ALK: variants seen among roughly 807,000 people sequenced by gnomAD.
The protein encoded by ALK is ALK tyrosine kinase receptor.
Under a neutral mutation model 163.1 loss-of-function variants are expected in ALK, and 74 were observed. The observed-to-expected ratio is 0.45, with a 90% CI of 0.38 to 0.55. The LOEUF (loss-of-function observed/expected upper bound fraction) is 0.55. ALK is among the 20% of genes least tolerant of loss of function. The pLI, the probability that ALK is intolerant of heterozygous loss-of-function variation, is 0.00. For synonymous variants in ALK, 960 were observed against 843.2 expected, an observed-to-expected ratio of 1.14 and a Z score of -2.40; for missense variants, 2,063 against 2,105.3, an observed-to-expected ratio of 0.98 and a Z score of 0.39.
At chr2:29,807,130 G>C (rs550184244) in intron 1 of ALK, among the ~76,000 whole-genome samples, 1 of 152,186 alleles carries the variant, frequency 6.6e-6, no homozygotes, top group Non-Finnish European at 1.5e-5. Context: ...ATAGTGCCTT[G>C]AGTCTTTATG....
chr2:29,256,963 G>A (rs943084008), intron 11 of ALK, among the ~76,000 whole-genome samples: 1 of 152,206 alleles, frequency 6.6e-6, no homozygotes, highest in African/African-American at 2.4e-5. Flanking sequence ...GAGAGACTGT[G>A]TCATAAGCAA....
chr2:29,241,479 G>T (rs1385157675), intron 12 of ALK, among the ~76,000 whole-genome samples: 1 of 152,068 alleles, frequency 6.6e-6, no homozygotes, highest in Non-Finnish European at 1.5e-5. Flanking sequence ...CTTAGGGCCA[G>T]GAGGGAGATG....
intron 11 of ALK, among the ~76,000 whole-genome samples, chr2:29,272,185 G>GGAGGGAGAGAGAGAGAGAGAGAGAGAGA (rs1553402255): frequency 2.8e-5 from 4 of 145,152 alleles, no homozygotes; most frequent in Non-Finnish European, 4.6e-5. Flanking sequence ...GTCGGGTGAG[G>GGAGGGAGAGAGAGAGAGAGAGAGAGAGA]GAGAGAGAGA....
rs190303260 is a variant in ALK, at chr2:29,292,091, C to G, written c.1817+4797G>C. ...TTAGGACAAAGGATTGCAAAGGGAACAGGAAATCTAAATATCTCCAGAAGG... is the reference window on the plus strand; with the variant it reads ...TTAGGACAAAGGATTGCAAAGGGAAGAGGAAATCTAAATATCTCCAGAAGG... On this transcript the variant is annotated intron_variant, in intron 9 of 28. Coordinates refer to ENST00000389048, the MANE Select transcript of ALK (RefSeq NM_004304.5). Among the ~76,000 whole-genome samples the G allele has an allele frequency of 1.2e-4, 19 of 152,286 alleles. No individual in the cohort carries two copies. In the East Asian group the frequency reaches 2.5e-3, roughly 20 times the overall value.
At chr2:29,828,386 C>T (rs547695022) in intron 1 of ALK, among the ~76,000 whole-genome samples, 24 of 152,326 alleles carry the variant, frequency 1.6e-4, no homozygotes, top group African/African-American at 5.5e-4. Flanking sequence ...AGGCAACCTA[C>T]AGAATGGGAG....
rs181612729 is a variant in ALK, at chr2:29,554,396, G to A, written c.953-22280C>T. On this transcript the variant is annotated intron_variant, in intron 3 of 28. Transcript: ENST00000389048. ...CAAAACAATAGCAAGGCTGGGAGAA[G>A]AAGATTTAGAAAAGAGCTTGCAAAT... 1.6e-3 allele frequency among the ~76,000 whole-genome samples: 247 copies of A among 152,286 alleles called. 1 individual carries two copies. The highest frequency in any genetic ancestry group is 2.7e-3 in the Non-Finnish European group (187 of 68,010).
At position 29,574,569 on chromosome 2, in the gene ALK, C is replaced by G. The variant is rs115826921; in HGVS notation, c.953-42453G>C. 3.4e-3 allele frequency among the ~76,000 whole-genome samples: 513 copies of G among 152,368 alleles called. 4 individuals are homozygous for G. The highest frequency in any genetic ancestry group is 0.012 in the African/African-American group (492 of 41,592). Reference sequence around the variant, plus strand: ...ATATTTCAGCTTCCAAACAGCATCTCTCTGACTGCTTCTGGTATGAAGCGC... The same window carrying G: ...ATATTTCAGCTTCCAAACAGCATCTGTCTGACTGCTTCTGGTATGAAGCGC... On this transcript the variant is annotated intron_variant, in intron 3 of 28. Transcript: ENST00000389048.
intron 4 of ALK, among the ~76,000 whole-genome samples, chr2:29,429,169 A>G (rs1238448636): frequency 6.6e-6 from 1 of 152,060 alleles, no homozygotes; most frequent in East Asian, 1.9e-4. Context: ...TTAAAGACTG[A>G]ATGCTTTCCT....
rs1374920831 is a variant in ALK at position 29,626,433 on chromosome 2, TCCCTTTGCTC to T, written c.952+68407_952+68416del. Among the ~76,000 whole-genome samples, 4 of 152,270 alleles carry T rather than the reference TCCCTTTGCTC, an allele frequency of 2.6e-5. No individual in the cohort carries two copies. The East Asian group carries it at 7.7e-4, about 29-fold the overall frequency. On this transcript the variant is annotated intron_variant, in intron 3 of 28. Coordinates refer to ENST00000389048, the MANE Select transcript of ALK (RefSeq NM_004304.5). ...CTCTTGCCTGCTGCCATGTAAGACA[TCCCTTTGCTC>T]CCCTTTGCTCTTCCATCATCTTCTG...
At chr2:29,562,775 C>T (rs1335716145) in intron 3 of ALK, among the ~76,000 whole-genome samples, 1 of 152,192 alleles carries the variant, frequency 6.6e-6, no homozygotes, top group Admixed American at 6.6e-5. Context: ...ATTATTACAA[C>T]TTATTTCTTA....
intron 5 of ALK, among the ~76,000 whole-genome samples, chr2:29,364,032 G>A (rs998967457): frequency 1.3e-5 from 2 of 152,130 alleles, no homozygotes; most frequent in Non-Finnish European, 2.9e-5. Context: ...CAACCTCACA[G>A]TTCCTTATTA....
At chr2:29,896,644 G>A (rs1450503642) in intron 1 of ALK, among the ~76,000 whole-genome samples, 1 of 152,180 alleles carries the variant, frequency 6.6e-6, no homozygotes, top group African/African-American at 2.4e-5. Context: ...AATTTCTGCT[G>A]CTTAAGCTTC....
intron 4 of ALK, among the ~76,000 whole-genome samples, chr2:29,420,103 G>C (rs1295483097): frequency 6.8e-6 from 1 of 146,438 alleles, no homozygotes; most frequent in African/African-American, 2.6e-5. Flanking sequence ...GCTGCTGTGA[G>C]TTGGGATGGT....
intron 26 of ALK, among the ~76,000 whole-genome samples, chr2:29,203,620 G>T (rs1669239798): frequency 6.8e-6 from 1 of 147,578 alleles, no homozygotes; most frequent in Admixed American, 6.9e-5. Flanking sequence ...CCAAGTAGCT[G>T]GGATTACAGG....
At chr2:29,899,348 C>A (rs984789043) in intron 1 of ALK, among the ~76,000 whole-genome samples, 2 of 151,964 alleles carry the variant, frequency 1.3e-5, no homozygotes, top group South Asian at 4.1e-4. Flanking sequence ...TTTTTTGCCC[C>A]CTGCAAGCAG....
chr2:29,333,391 C>T (rs185529286), intron 5 of ALK, among the ~76,000 whole-genome samples: 2 of 152,212 alleles, frequency 1.3e-5, no homozygotes, highest in African/African-American at 2.4e-5. Context: ...CAGGCATAAG[C>T]TATCGTGCCC....
chr2:29,711,529 A>G (rs1679100378), intron 2 of ALK, among the ~76,000 whole-genome samples: 1 of 152,158 alleles, frequency 6.6e-6, no homozygotes, highest in African/African-American at 2.4e-5. Flanking sequence ...TCTAGAGCAC[A>G]ACTAAGCATA....
intron 4 of ALK, among the ~76,000 whole-genome samples, chr2:29,412,640 A>C (rs1211973419): frequency 1.3e-5 from 2 of 152,182 alleles, no homozygotes; most frequent in African/African-American, 2.4e-5. Flanking sequence ...CTGCCTTCAC[A>C]TCAGCATATG....
intron 3 of ALK, among the ~76,000 whole-genome samples, chr2:29,566,372 T>A (rs1235509995): frequency 6.6e-6 from 1 of 152,234 alleles, no homozygotes; most frequent in Non-Finnish European, 1.5e-5. Flanking sequence ...ATCAATTTGC[T>A]GCACCCCAAA....
Sources: gnomAD v4.1 joint callset for allele counts (sites outside exome capture counted in the v4.1 genomes callset) on GRCh38, gnomAD v4.1.1 for gene constraint, MANE v1.5 for transcripts, NCBI Gene and HGNC (gene_info 2026-07-23, HGNC 2026-07-21) for gene names.